Variants in RIC1 observed in about 807,000 individuals in gnomAD.
RIC1 encodes the protein RIC1 partner of RAB6A GEF complex, also known as guanine nucleotide exchange factor subunit RIC1.
RIC1 carries 88 observed loss-of-function variants against 169.0 expected under a neutral mutation model. The ratio of observed to expected loss-of-function variants is 0.52; its 90% confidence interval spans 0.44 to 0.62. The LOEUF (loss-of-function observed/expected upper bound fraction) is 0.62, where lower values mean the gene tolerates loss of function less well. Ranked by LOEUF, RIC1 falls within the 20% of genes least tolerant of loss-of-function variation. The pLI, the probability that RIC1 is intolerant of heterozygous loss-of-function variation, is 0.00. For synonymous variants in RIC1, 790 were observed against 601.5 expected, an observed-to-expected ratio of 1.31 and a Z score of -4.59; for missense variants, 1,877 against 1,725.5, an observed-to-expected ratio of 1.09 and a Z score of -1.56.
chr9:5,763,572 C>T lies in RIC1; in HGVS notation c.2545C>T (p.Gln849Ter). ...TGGGGAGCAAGCCTTGCTCTTGGCC[C>T]AGTCCTGTGCCACATTACCTTACTT... Reference protein sequence around the residue: ...NLGEQALLLAQSCATLPYFPH... With the variant: ...NLGEQALLLA The change falls in exon 19 of 26, where the codon CAG (glutamine) becomes TAG (stop). Residue 849 changes from glutamine to a stop codon, truncating the protein, a stop_gained. Coordinates refer to ENST00000414202, the MANE Select transcript of RIC1 (RefSeq NM_020829.4). LOFTEE classifies it high-confidence loss of function. The surrounding 1 kb of genome is among the most constrained non-coding windows in gnomAD (Gnocchi z 5.2). 1 of 1,614,166 alleles carries T rather than the reference C, an allele frequency of 6.2e-7. No homozygotes were observed. Among genetic ancestry groups the T allele is most frequent in the Non-Finnish European group, 8.5e-7 (1 of 1,180,018 alleles).
intron 7 of RIC1, among the ~76,000 whole-genome samples, chr9:5,738,135 G>A (rs1275207917): frequency 1.3e-5 from 2 of 152,090 alleles, no homozygotes; most frequent in Non-Finnish European, 2.9e-5. Context: ...ATGTACTATA[G>A]CCAAATAAAA....
intron 2 of RIC1, among the ~76,000 whole-genome samples, chr9:5,681,924 G>T (rs1820868419): frequency 6.6e-6 from 1 of 152,124 alleles, no homozygotes; most frequent in Non-Finnish European, 1.5e-5. Flanking sequence ...GGCCTTCTTT[G>T]TCTCTTTTGA....
chr9:5,633,778 A>T (rs967583639), intron 1 of RIC1, among the ~76,000 whole-genome samples: 1 of 152,160 alleles, frequency 6.6e-6, no homozygotes, highest in African/African-American at 2.4e-5. Flanking sequence ...AGTATACAAT[A>T]TATGTTAATT....
At chr9:5,760,436 A>G (rs1476567482) in intron 17 of RIC1, among the ~76,000 whole-genome samples, 1 of 152,258 alleles carries the variant, frequency 6.6e-6, no homozygotes, top group African/African-American at 2.4e-5. Flanking sequence ...ATGAATTAGT[A>G]TGAAATGTGG....
intron 2 of RIC1, among the ~76,000 whole-genome samples, chr9:5,670,187 T>C (rs1274875160): frequency 2.0e-5 from 3 of 152,242 alleles, no homozygotes; most frequent in African/African-American, 7.2e-5. Context: ...GCAGATGTCT[T>C]GTGGGAAAAA....
intron 2 of RIC1, among the ~76,000 whole-genome samples, chr9:5,687,103 C>T (rs1006217797): frequency 6.6e-6 from 1 of 152,124 alleles, no homozygotes; most frequent in African/African-American, 2.4e-5. Context: ...TTGTCCATCT[C>T]ATCCAAGTTG....
At chr9:5,743,111 G>A (rs1825176038) in intron 9 of RIC1, 98 bp downstream of exon 9, 1 of 1,100,260 alleles carries the variant, frequency 9.1e-7, no homozygotes, top group Admixed American at 2.4e-5. Flanking sequence ...TTTTTGCCTT[G>A]ACTCTTACCT....
chr9:5,677,984 C>T (rs1221174739), intron 2 of RIC1, among the ~76,000 whole-genome samples: 1 of 151,978 alleles, frequency 6.6e-6, no homozygotes, highest in Admixed American at 6.6e-5. Flanking sequence ...TCTCCTAATG[C>T]TATCCCTCCC....
intron 2 of RIC1, among the ~76,000 whole-genome samples, chr9:5,688,534 A>G (rs1377478524): frequency 6.6e-6 from 1 of 152,144 alleles, no homozygotes; most frequent in Non-Finnish European, 1.5e-5. Context: ...TACTCTCCAT[A>G]TTGCAAGAAC....
intron 4 of RIC1, among the ~76,000 whole-genome samples, chr9:5,718,732 T>C (rs746066391): frequency 1.3e-5 from 2 of 152,238 alleles, no homozygotes; most frequent in Non-Finnish European, 2.9e-5. Flanking sequence ...TTGAAATTAA[T>C]ATATAATGCT....
chr9:5,632,331 ATCTC>A (rs946503983), intron 1 of RIC1, among the ~76,000 whole-genome samples: 9 of 152,204 alleles, frequency 5.9e-5, no homozygotes, highest in African/African-American at 1.9e-4. Flanking sequence ...ATAAGACTGA[ATCTC>A]TATTAAAATC....
Position 5,765,507 on chromosome 9 carries a change from A to G in RIC1, c.2935A>G (p.Ile979Val). Residue 979 changes from isoleucine (I) to valine (V), a missense_variant, in exon 20 of 26, where the codon ATT (isoleucine) becomes GTT (valine). This residue lies in a region of RIC1 where 681 missense variants were observed against 582.0 expected (regional missense o/e 1.17). Transcript: ENST00000414202. ...QGKWDLCRHM[I>V]RFLKAIGSGE... ...CAAGTGGGACCTTTGTCGACACATG[A>G]TTCGATTTCTTAAAGCCATTGGCTC... 1 of 1,614,206 alleles carries G rather than the reference A, an allele frequency of 6.2e-7. No homozygotes were observed. The highest frequency in any genetic ancestry group is 2.2e-5 in the East Asian group (1 of 44,880).
intron 3 of RIC1, among the ~76,000 whole-genome samples, chr9:5,706,826 T>C (rs1563915813): frequency 1.3e-5 from 2 of 152,154 alleles, no homozygotes; most frequent in Admixed American, 1.3e-4. Flanking sequence ...TATAAAGTCT[T>C]CTTTTTCCTT....
intron 3 of RIC1, among the ~76,000 whole-genome samples, chr9:5,709,803 G>C (rs988779071): frequency 3.9e-5 from 6 of 152,114 alleles, no homozygotes; most frequent in African/African-American, 1.4e-4. Context: ...TGGAAGACAG[G>C]ATGGAAACTT....
At chr9:5,702,608 G>A (rs1041996994) in intron 3 of RIC1, among the ~76,000 whole-genome samples, 1 of 151,980 alleles carries the variant, frequency 6.6e-6, no homozygotes, top group Non-Finnish European at 1.5e-5. Flanking sequence ...GCACCATCTC[G>A]GCTCACTGCA....
intron 5 of RIC1, 129 bp from the exon 6 acceptor site, chr9:5,720,485 A>G (rs775107340): frequency 6.9e-6 from 8 of 1,159,182 alleles, no homozygotes; most frequent in Non-Finnish European, 8.5e-6. Context: ...AGGAAAGGAC[A>G]GTTTAATTAT....
intron 7 of RIC1, among the ~76,000 whole-genome samples, chr9:5,735,153 G>C (rs915101104): frequency 7.9e-5 from 12 of 151,820 alleles, no homozygotes; most frequent in Non-Finnish European, 4.4e-5. Context: ...TTTTGAGTCT[G>C]AGTCGATTCT....
Position 5,642,592 on chromosome 9 carries a change from G to A in RIC1, c.144+13139G>A, listed in dbSNP as rs1430433821. 4.1e-5 allele frequency among the ~76,000 whole-genome samples: 6 copies of A among 144,716 alleles called. 2 individuals carry two copies. Among genetic ancestry groups the A allele is most frequent in the African/African-American group, 1.7e-4 (6 of 35,360 alleles). 94.9% of individuals were successfully genotyped at this position (144,716 alleles called of 152,430 possible). A position where few individuals can be genotyped will look rare whatever the true frequency, so the allele number is the denominator to read the frequency against. ...TATTCTGTTCTGTTGTGGCTAAGCA[G>A]GCACTCAAACCGTAACACAAAATTC... On this transcript the variant is annotated intron_variant, in intron 1 of 25. Transcript: ENST00000414202.
In RIC1 at chr9:5,636,257, C is replaced by T. The variant is rs112629293; in HGVS notation, c.144+6804C>T. Among the ~76,000 whole-genome samples, 981 of 152,158 alleles carry T rather than the reference C, an allele frequency of 6.4e-3. 10 individuals are homozygous for T. Among genetic ancestry groups the T allele is most frequent in the African/African-American group, 0.021 (852 of 41,514 alleles). ...ATCAGCATTTTATGGTGTTTAGTGGCGGTTAAATGTATTCTAAGTATTTAG... is the reference window on the plus strand; with the variant it reads ...ATCAGCATTTTATGGTGTTTAGTGGTGGTTAAATGTATTCTAAGTATTTAG... On this transcript the variant is annotated intron_variant, in intron 1 of 25. Transcript: ENST00000414202.
Sources: allele counts gnomAD v4.1 joint callset (sites outside exome capture counted in the v4.1 genomes callset), GRCh38; gene constraint gnomAD v4.1.1; regional missense constraint gnomAD v4.1.1; non-coding constraint Gnocchi (gnomAD v3.1); transcripts MANE v1.5; gene names NCBI Gene and HGNC (gene_info 2026-07-23, HGNC 2026-07-21).